The following OLFM1 variants were observed in gnomAD, a reference collection of about 807,000 sequenced individuals.
The protein encoded by OLFM1 is noelin.
In OLFM1, 9 loss-of-function variants were observed where a neutral mutation model predicts 49.7. The ratio of observed to expected loss-of-function variants is 0.18; its 90% CI spans 0.11 to 0.32. The LOEUF is 0.32. Among genes scored for constraint, OLFM1 ranks in the 10% least tolerant of loss-of-function variants. OLFM1 has a pLI of 1.00. For synonymous variants in OLFM1, 240 were observed against 271.8 expected (o/e 0.88, Z 1.15); for missense variants, 369 against 661.8 (o/e 0.56, Z 4.85).
At chr9:135,091,788 TAGTCACAC>T (rs1236304658) in intron 2 of OLFM1, among the ~76,000 whole-genome samples, 2 of 57,652 alleles carry the variant, frequency 3.5e-5, no homozygotes, top group African/African-American at 7.9e-5. Flanking sequence ...CACTCACACA[TAGTCACAC>T]AGTCACACAC....
At position 135,116,387 on chromosome 9, in the gene OLFM1, C is replaced by A. The variant is rs116574849; in HGVS notation, c.784-3117C>A. Among the ~76,000 whole-genome samples the A allele has an allele frequency of 3.5e-3, 540 of 152,280 alleles. 7 individuals carry two copies. Among genetic ancestry groups the A allele is most frequent in the African/African-American group, 0.013 (521 of 41,560 alleles). ...TTCTCCCTCCCACCCCCAATTACAT[C>A]TTCAGAGTGCGGTATCCTGTGTCAT... On this transcript the variant is annotated intron_variant, in intron 5 of 5. Transcript: ENST00000371793.
Position 135,098,196 on chromosome 9 carries a change from C to G in OLFM1, c.457-90C>G. 1.3e-6 allele frequency: 2 copies of G among 1,515,398 alleles called. No homozygotes were observed. The highest frequency in any genetic ancestry group is 1.3e-5 in the South Asian group (1 of 78,842). 93.9% of individuals were successfully genotyped at this position (1,515,398 alleles called of 1,614,324 possible). On this transcript the variant is annotated intron_variant, in intron 3 of 5. Coordinates refer to ENST00000371793, the MANE Select transcript of OLFM1 (RefSeq NM_001282611.2). The surrounding 1 kb of genome is among the most constrained non-coding windows in gnomAD (Gnocchi z 5.6). ...TGTAAATAAAGCGGGAATATACACA[C>G]TTTCCCTCACCTAGGGAGAAGCCAG...
chr9:135,089,173 G>C (rs529038438), intron 1 of OLFM1, among the ~76,000 whole-genome samples: 2 of 152,220 alleles, frequency 1.3e-5, no homozygotes, highest in Non-Finnish European at 2.9e-5. Context: ...TTCAGGAATC[G>C]GAGGGCGATT....
intron 1 of OLFM1, chr9:135,076,594 A>G: frequency 4.7e-6 from 5 of 1,073,478 alleles, no homozygotes; most frequent in Non-Finnish European, 5.2e-6. Flanking sequence ...CTTTGGCACT[A>G]TGGTGCTCGG....
At chr9:135,085,040 C>T (rs113274671), upstream of OLFM1, among the ~76,000 whole-genome samples, 762 of 152,314 alleles carry the variant, frequency 5.0e-3, 9 homozygotes, top group African/African-American at 0.017. Flanking sequence ...GCTCTGAAGC[C>T]GGGAGATGCA....
At chr9:135,102,845 G>T (rs1382229174) in intron 4 of OLFM1, among the ~76,000 whole-genome samples, 1 of 152,164 alleles carries the variant, frequency 6.6e-6, no homozygotes, top group Non-Finnish European at 1.5e-5. Flanking sequence ...AGCCCTCCTG[G>T]TCTGTCTCCT....
upstream of OLFM1, chr9:135,087,139 A>G: frequency 8.7e-7 from 1 of 1,155,756 alleles, no homozygotes; most frequent in South Asian, 1.7e-5. Flanking sequence ...GGGCGCCTTT[A>G]GCTCTCCACC....
intron 5 of OLFM1, among the ~76,000 whole-genome samples, chr9:135,114,853 A>T (rs1318686151): frequency 1.3e-5 from 2 of 152,104 alleles, no homozygotes; most frequent in Non-Finnish European, 2.9e-5. Context: ...ACCACTGAGG[A>T]ATGAGGCAGC....
intron 5 of OLFM1, among the ~76,000 whole-genome samples, chr9:135,116,970 A>G (rs1260064509): frequency 6.8e-6 from 1 of 147,990 alleles, no homozygotes; most frequent in Non-Finnish European, 1.5e-5. Flanking sequence ...ATTTTTTTTT[A>G]ATTTTTAGCG....
rs1176071649 is a variant in OLFM1, at chr9:135,080,545, C to T, written c.96+4743C>T. 5.9e-5 allele frequency among the ~76,000 whole-genome samples: 9 copies of T among 152,102 alleles called. No individual in the cohort carries two copies. The highest frequency in any genetic ancestry group is 8.8e-5 in the Non-Finnish European group (6 of 68,018). Reference sequence around the variant, plus strand: ...GTGGAGAGGCTCCTGACACCAGGGGCGCTGAGCTGTCAATCCTGCCCATGA... The same window carrying T: ...GTGGAGAGGCTCCTGACACCAGGGGTGCTGAGCTGTCAATCCTGCCCATGA... On this transcript the variant is annotated intron_variant, in intron 1 of 5. Coordinates refer to the OLFM1 transcript ENST00000252854. The surrounding 1 kb of genome is among the most constrained non-coding windows in gnomAD (Gnocchi z 4.5).
chr9:135,089,616 C>T (rs1830652292), intron 1 of OLFM1, among the ~76,000 whole-genome samples: 1 of 152,214 alleles, frequency 6.6e-6, no homozygotes, highest in South Asian at 2.1e-4. Flanking sequence ...CGGTCTGTGC[C>T]ACGCTGCCGG....
chr9:135,114,120 A>ATCCT (rs1831061685), intron 5 of OLFM1, among the ~76,000 whole-genome samples: 1 of 72,524 alleles, frequency 1.4e-5, no homozygotes, highest in Non-Finnish European at 2.8e-5. Context: ...TCATCTTGAG[A>ATCCT]TTCTTTTTTT....
rs765554691 is a variant in OLFM1, at chr9:135,098,552, G to A, written c.676+47G>A. On this transcript the variant is annotated intron_variant, in intron 4 of 5. Coordinates refer to ENST00000371793, the MANE Select transcript of OLFM1 (RefSeq NM_001282611.2). This position sits in a 1 kb window ranked among gnomAD's most constrained non-coding sequence, Gnocchi z 5.6. The stretch of plus-strand genomic sequence containing the variant: ...ACGTGGCGCTGCACTGCCCACCTCC[G>A]GCACACGCACAGGCTTAGGGAGTGG... The A allele has an allele frequency of 1.4e-5, 21 of 1,529,188 alleles. No homozygotes were observed. The highest frequency in any genetic ancestry group is 3.4e-5 in the Admixed American group (2 of 59,506). The allele number at this position is 1,529,188 out of a possible 1,614,324, so 94.7% of individuals were successfully genotyped here.
chr9:135,103,692 G>A (rs576425298), intron 4 of OLFM1, among the ~76,000 whole-genome samples: 56 of 152,258 alleles, frequency 3.7e-4, no homozygotes, highest in Middle Eastern at 3.4e-3. Flanking sequence ...GAAGTGGGAG[G>A]GGTGAAGACC....
chr9:135,090,055 A>G (rs980642404), intron 1 of OLFM1, 140 bp from the exon 2 acceptor site: 3 of 781,112 alleles, frequency 3.8e-6, no homozygotes, highest in Admixed American at 2.9e-5. Flanking sequence ...TTTGGGTCAA[A>G]CATGTCTTGG....
chr9:135,094,077 C>T lies in OLFM1; in HGVS notation c.301-1787C>T, dbSNP rs7847009. 5.6e-3 allele frequency among the ~76,000 whole-genome samples: 856 copies of T among 152,262 alleles called. 8 individuals carry two copies. The highest frequency in any genetic ancestry group is 0.02 in the African/African-American group (815 of 41,550). On this transcript the variant is annotated intron_variant, in intron 2 of 5. Transcript: ENST00000371793. The stretch of plus-strand genomic sequence containing the variant: ...GCAGCTTCTCCTCGGCACTTGTGGG[C>T]CTTCGCTCCTGGGGATTTTGCCAGG...
chr9:135,087,978 G>A lies in OLFM1; in HGVS notation c.-12G>A. The stretch of plus-strand genomic sequence containing the variant: ...CAGCTCGGAGCGGGCGCTGGAGGCA[G>A]CTCGAGGCGCGATGTCGGTGCCGCT... On this transcript the variant is annotated 5_prime_UTR_variant, in exon 1 of 6. Coordinates refer to ENST00000371793, the MANE Select transcript of OLFM1 (RefSeq NM_001282611.2). The A allele has an allele frequency of 7.0e-7, 1 of 1,438,708 alleles. No individual in the cohort carries two copies. Among genetic ancestry groups the A allele is most frequent in the Non-Finnish European group, 9.2e-7 (1 of 1,085,678 alleles). 89.1% of individuals were successfully genotyped at this position (1,438,708 alleles called of 1,614,324 possible). A position where few individuals can be genotyped will look rare whatever the true frequency, so the allele number is the denominator to read the frequency against.
intron 1 of OLFM1, chr9:135,077,127 T>C (rs777813939): frequency 8.4e-6 from 13 of 1,550,254 alleles, no homozygotes; most frequent in East Asian, 4.9e-5. Flanking sequence ...GCACTGTTGC[T>C]GGACAGATGC....
At chr9:135,081,529 C>T (rs1830532519) in intron 1 of OLFM1, among the ~76,000 whole-genome samples, 1 of 152,146 alleles carries the variant, frequency 6.6e-6, no homozygotes, top group Non-Finnish European at 1.5e-5. Flanking sequence ...TCAAAGACCC[C>T]AGCAGGCCCG....
Sources: gnomAD v4.1 joint callset for allele counts (sites outside exome capture counted in the v4.1 genomes callset) on GRCh38, gnomAD v4.1.1 for gene constraint, Gnocchi (gnomAD v3.1) non-coding constraint, MANE v1.5 for transcripts, NCBI Gene and HGNC (gene_info 2026-07-23, HGNC 2026-07-21) for gene names.